Variants in VPS13D observed in about 807,000 individuals in gnomAD.
The protein encoded by VPS13D is intermembrane lipid transfer protein VPS13D.
A neutral mutation model predicts 461.9 loss-of-function variants in VPS13D; 187 were observed. The ratio of observed to expected loss-of-function variants is 0.40; its 90% CI spans 0.36 to 0.46. VPS13D has a LOEUF of 0.46. Ranked by LOEUF, VPS13D falls within the 20% of genes least tolerant of loss-of-function variation. The pLI, the probability that VPS13D is intolerant of heterozygous loss-of-function variation, is 0.60. For missense variants in VPS13D, 4,711 were observed against 5,364.9 expected, an observed-to-expected ratio of 0.88 and a Z score of 3.81; for synonymous variants, 1,951 against 1,986.3, an observed-to-expected ratio of 0.98 and a Z score of 0.47.
At chr1:12,486,523 A>G (rs550672900) in intron 67 of VPS13D, among the ~76,000 whole-genome samples, 1 of 152,256 alleles carries the variant, frequency 6.6e-6, no homozygotes, top group Admixed American at 6.5e-5. Context: ...TCCAAGCCCC[A>G]CTGTTCTTTT....
rs562954618 is a variant in VPS13D at position 12,413,512 on chromosome 1, A to C, written c.12031-1575A>C. ...GAGTGAGGCAGGGTCTTACTCTGTC[A>C]CCCAGGCTAAGTACAGTGGCATGAT... On this transcript the variant is annotated intron_variant, in intron 63 of 69. Transcript: ENST00000620676. 3.2e-4 allele frequency among the ~76,000 whole-genome samples: 49 copies of C among 152,214 alleles called. No individual in the cohort carries two copies. The South Asian group carries it at 9.1e-3, about 28-fold the overall frequency.
chr1:12,245,957 CAT>C (rs1427738226), intron 5 of VPS13D, among the ~76,000 whole-genome samples: 1 of 152,144 alleles, frequency 6.6e-6, no homozygotes, highest in African/African-American at 2.4e-5. Flanking sequence ...ATGACTGAAT[CAT>C]ATATTCCATT....
At chr1:12,481,547 G>C (rs1376036914) in intron 67 of VPS13D, among the ~76,000 whole-genome samples, 18 of 152,230 alleles carry the variant, frequency 1.2e-4, no homozygotes, top group African/African-American at 4.3e-4. Context: ...TCTGACCCAA[G>C]GGGTGTATCT....
At chr1:12,385,971 C>T (rs911085812) in intron 59 of VPS13D, among the ~76,000 whole-genome samples, 14 of 152,108 alleles carry the variant, frequency 9.2e-5, no homozygotes, top group Non-Finnish European at 1.9e-4. Flanking sequence ...CTGGAGTTCT[C>T]GTTGGGGTGA....
chr1:12,251,918 G>A (rs1441010889), intron 6 of VPS13D, among the ~76,000 whole-genome samples: 2 of 152,184 alleles, frequency 1.3e-5, no homozygotes, highest in East Asian at 1.9e-4. Context: ...GAGGTCTGAA[G>A]TCAAGGGGTT....
intron 65 of VPS13D, among the ~76,000 whole-genome samples, chr1:12,446,238 G>A (rs1419178305): frequency 6.6e-6 from 1 of 152,064 alleles, no homozygotes; most frequent in African/African-American, 2.4e-5. Context: ...AGCATGGTGT[G>A]AAACCCCATC....
At chr1:12,356,356 G>T in intron 48 of VPS13D, 42 bp from the exon 49 acceptor site, 1 of 1,586,904 alleles carries the variant, frequency 6.3e-7, no homozygotes, top group South Asian at 1.1e-5. Flanking sequence ...CTTTCAGATA[G>T]ACTGGGTGGT....
intron 67 of VPS13D, among the ~76,000 whole-genome samples, chr1:12,467,753 C>A (rs1645508133): frequency 6.6e-6 from 1 of 152,152 alleles, no homozygotes; most frequent in African/African-American, 2.4e-5. Context: ...TTTCTGAAAT[C>A]CCAAGAGTCA....
At chr1:12,436,150 C>G (rs948586752) in intron 65 of VPS13D, among the ~76,000 whole-genome samples, 5 of 152,352 alleles carry the variant, frequency 3.3e-5, no homozygotes, top group South Asian at 4.1e-4. Flanking sequence ...GGTCACCATC[C>G]AGCAGGGGAG....
chr1:12,327,229 C>G (rs535765676), intron 35 of VPS13D, among the ~76,000 whole-genome samples: 1 of 152,120 alleles, frequency 6.6e-6, no homozygotes, highest in African/African-American at 2.4e-5. Context: ...CCCATGCCCT[C>G]GATCATTTAC....
chr1:12,299,430 A>G lies in VPS13D; in HGVS notation c.6216+46A>G. ...TCCTTTTCCGTTCAGCTAGTATTTG[A>G]TCACTAATTGAAAAATTTGTATGCT... On this transcript the variant is annotated intron_variant, in intron 25 of 69. Transcript: ENST00000620676. The surrounding 1 kb of genome is among the most constrained non-coding windows in gnomAD (Gnocchi z 4.2). 6.5e-7 allele frequency: 1 copy of G among 1,544,330 alleles called. No individual in the cohort carries two copies.
intron 23 of VPS13D, among the ~76,000 whole-genome samples, chr1:12,291,844 C>T (rs1407447174): frequency 6.6e-6 from 1 of 152,118 alleles, no homozygotes; most frequent in Admixed American, 6.5e-5. Flanking sequence ...ATTTCAGCCT[C>T]AGAAGGTTGT....
intron 67 of VPS13D, among the ~76,000 whole-genome samples, chr1:12,469,111 A>T (rs1178603337): frequency 6.6e-6 from 1 of 152,058 alleles, no homozygotes. Context: ...ACTTATCTAT[A>T]TCCTTAGTGG....
chr1:12,347,811 T>A (rs1475707051), intron 44 of VPS13D, among the ~76,000 whole-genome samples: 1 of 152,226 alleles, frequency 6.6e-6, no homozygotes, highest in Non-Finnish European at 1.5e-5. Context: ...ACTTTCAGAC[T>A]TTTTCTTTGG....
At chr1:12,454,106 G>A (rs1181278962) in intron 65 of VPS13D, among the ~76,000 whole-genome samples, 1 of 152,142 alleles carries the variant, frequency 6.6e-6, no homozygotes, top group Non-Finnish European at 1.5e-5. Context: ...CCAGGCCCCC[G>A]AGCCATTGTC....
At chr1:12,372,140 A>G (rs529666887) in intron 54 of VPS13D, among the ~76,000 whole-genome samples, 3 of 152,138 alleles carry the variant, frequency 2.0e-5, no homozygotes, top group Middle Eastern at 3.4e-3. Flanking sequence ...TGCATCCTCA[A>G]CCTCCTAGGA....
chr1:12,348,971 A>G lies in VPS13D; in HGVS notation c.9218A>G (p.Asp3073Gly), dbSNP rs762426334. ...ELRLDSPSAP[D>G]KPVVLPAIMP... ...AGACTGGATAGCCCATCAGCTCCAG[A>G]CAGTATGTTTTGATTGTCTAGCATA... The change falls in exon 45 of 70, where the codon GAC becomes GGC. Residue 3073 changes from aspartate (D) to glycine (G), a missense_variant and splice_region_variant. By Grantham distance (94) the Asp-to-Gly change is moderately conservative. Around this residue, in one of 3 missense-constraint regions of VPS13D, gnomAD observed 4,411 missense variants for 4,937.8 expected, o/e 0.89. Coordinates refer to ENST00000620676, the MANE Select transcript of VPS13D (RefSeq NM_015378.4). The G allele has an allele frequency of 3.7e-6, 6 of 1,614,092 alleles. No homozygotes were observed. Among genetic ancestry groups the G allele is most frequent in the Middle Eastern group, 1.6e-4 (1 of 6,084 alleles).
chr1:12,421,760 C>T (rs1319838407), intron 65 of VPS13D, among the ~76,000 whole-genome samples: 2 of 152,230 alleles, frequency 1.3e-5, no homozygotes, highest in Non-Finnish European at 2.9e-5. Flanking sequence ...TTAATTTCTT[C>T]CAGCAAAGGA....
intron 67 of VPS13D, among the ~76,000 whole-genome samples, chr1:12,468,802 G>A (rs756341858): frequency 1.3e-5 from 2 of 152,230 alleles, no homozygotes; most frequent in Non-Finnish European, 2.9e-5. Context: ...GGAGGCTGGG[G>A]CGGGTAGATC....
Sources: allele counts gnomAD v4.1 joint callset (sites outside exome capture counted in the v4.1 genomes callset), GRCh38; gene constraint gnomAD v4.1.1; regional missense constraint gnomAD v4.1.1; non-coding constraint Gnocchi (gnomAD v3.1); transcripts MANE v1.5; gene names NCBI Gene and HGNC (gene_info 2026-07-23, HGNC 2026-07-21).